Variants in GNB1L observed in about 807,000 individuals in gnomAD.
The protein encoded by GNB1L is guanine nucleotide-binding protein subunit beta-like protein 1.
In GNB1L, 20 loss-of-function variants were observed where a neutral mutation model predicts 29.1. The ratio of observed to expected loss-of-function variants is 0.69; its 90% CI spans 0.48 to 1.00. The LOEUF is 1.00. Among genes scored for constraint, GNB1L ranks in the 50% least tolerant of loss-of-function variants. The probability of loss-of-function intolerance (pLI) is 0.00; values close to 1 mark genes in which losing one functional copy is unlikely to be tolerated. For synonymous variants in GNB1L, 193 were observed against 206.5 expected, an observed-to-expected ratio of 0.93 and a Z score of 0.56; for missense variants, 421 against 464.9, an observed-to-expected ratio of 0.91 and a Z score of 0.87.
At chr22:19,822,154 T>C (rs1937584749) in intron 2 of GNB1L, among the ~76,000 whole-genome samples, 2 of 152,146 alleles carry the variant, frequency 1.3e-5, no homozygotes, top group East Asian at 3.8e-4. Context: ...GGCAGCACCC[T>C]TTTCACTCTT....
In GNB1L at chr22:19,849,777, T is replaced by C; in HGVS notation, c.-21+4666A>G. 4 of 985,476 alleles carry C rather than the reference T, an allele frequency of 4.1e-6. No homozygotes were observed. The South Asian group carries it at 1.9e-4, about 46-fold the overall frequency. 61.0% of individuals were successfully genotyped at this position (985,476 alleles called of 1,614,324 possible). Reference sequence around the variant, plus strand: ...TTCTTCCTACTTTCCAGGAAGGTGTTGTTTTGTTGTTTTCACAATTGTAAA... The same window carrying C: ...TTCTTCCTACTTTCCAGGAAGGTGTCGTTTTGTTGTTTTCACAATTGTAAA... On this transcript the variant is annotated intron_variant, in intron 2 of 7. Transcript: ENST00000329517.
chr22:19,831,701 AT>A (rs1937683310), intron 2 of GNB1L, among the ~76,000 whole-genome samples: 1 of 151,736 alleles, frequency 6.6e-6, no homozygotes, highest in Non-Finnish European at 1.5e-5. Flanking sequence ...AAAAAAAAAA[AT>A]AAAAGAAATA....
intron 6 of GNB1L, among the ~76,000 whole-genome samples, chr22:19,803,488 C>A (rs1007763273): frequency 6.6e-6 from 1 of 152,200 alleles, no homozygotes; most frequent in Non-Finnish European, 1.5e-5. Context: ...CTGCCCCTCC[C>A]TGCAGAAGTC....
rs1937172109 is a variant in GNB1L, at chr22:19,784,355, G to A, written c.*4354C>T. On this transcript the variant is annotated 3_prime_UTR_variant, in exon 8 of 8. Coordinates refer to ENST00000329517, the MANE Select transcript of GNB1L (RefSeq NM_053004.3). ...GGCTGTGCTCCGGAGCCCTTCCCGG[G>A]ATCATCTCCCGGCATCGGCTGACCC... 6.6e-6 allele frequency: 1 copy of A among 152,202 alleles called. No homozygotes were observed. The highest frequency in any genetic ancestry group is 6.5e-5 in the Admixed American group (1 of 15,280). The allele number at this position is 152,202 out of a possible 1,614,324, so 9.4% of individuals were successfully genotyped here.
At position 19,802,229 on chromosome 22, in the gene GNB1L, G is replaced by A; in HGVS notation, c.517-13C>T. Reference sequence around the variant, plus strand: ...AGCTGCAGTCGGCCTGCGGGGAACAGCAGAGCAGTCAGCTCCTGGAAGGAC... The same window carrying A: ...AGCTGCAGTCGGCCTGCGGGGAACAACAGAGCAGTCAGCTCCTGGAAGGAC... On this transcript the variant is annotated splice_polypyrimidine_tract_variant and intron_variant, in intron 6 of 7. Transcript: ENST00000329517. 6.2e-7 allele frequency: 1 copy of A among 1,608,672 alleles called. No homozygotes were observed. The highest frequency in any genetic ancestry group is 8.5e-7 in the Non-Finnish European group (1 of 1,177,494).
chr22:19,831,331 C>T (rs2145889509), intron 2 of GNB1L, among the ~76,000 whole-genome samples: 1 of 149,478 alleles, frequency 6.7e-6, no homozygotes, highest in Non-Finnish European at 1.5e-5. Context: ...TGCCATTGCA[C>T]TCCAGTCTGG....
At chr22:19,794,433 C>T (rs991508316) in intron 7 of GNB1L, among the ~76,000 whole-genome samples, 2 of 152,168 alleles carry the variant, frequency 1.3e-5, no homozygotes, top group Middle Eastern at 3.2e-3. Flanking sequence ...GAAGGTTGCA[C>T]ACTCTTGGAG....
chr22:19,838,289 A>G (rs1196100861), intron 2 of GNB1L, among the ~76,000 whole-genome samples: 1 of 152,182 alleles, frequency 6.6e-6, no homozygotes, highest in Admixed American at 6.5e-5. Context: ...ACTTATGCCC[A>G]TAATGAAATA....
Position 19,783,431 on chromosome 22 carries a change from C to T in GNB1L, c.*5278G>A, listed in dbSNP as rs1252591963. On this transcript the variant is annotated 3_prime_UTR_variant, in exon 8 of 8. Coordinates refer to ENST00000329517, the MANE Select transcript of GNB1L (RefSeq NM_053004.3). The stretch of plus-strand genomic sequence containing the variant: ...TGGTGGAAGCAGTTCACTTAAAGGC[C>T]ATGAGTTACTCGGGAGGCTGAGGCA... 1 of 308,316 alleles carries T rather than the reference C, an allele frequency of 3.2e-6. No individual in the cohort carries two copies. The highest frequency in any genetic ancestry group is 8.5e-5 in the East Asian group (1 of 11,786). 19.1% of individuals were successfully genotyped at this position (308,316 alleles called of 1,614,324 possible). A position where few individuals can be genotyped will look rare whatever the true frequency, so the allele number is the denominator to read the frequency against.
intron 2 of GNB1L, chr22:19,847,847 T>G: frequency 1.1e-6 from 1 of 880,574 alleles, no homozygotes; most frequent in Non-Finnish European, 1.4e-6. Context: ...TTTCCTCTAG[T>G]ACTTTCATAA....
intron 2 of GNB1L, among the ~76,000 whole-genome samples, chr22:19,822,903 T>C (rs1261204352): frequency 1.3e-5 from 2 of 152,134 alleles, no homozygotes; most frequent in Non-Finnish European, 2.9e-5. Context: ...GCCAGCCCTC[T>C]CCTTACTCTA....
intron 2 of GNB1L, among the ~76,000 whole-genome samples, chr22:19,822,988 C>T (rs1176781155): frequency 6.6e-6 from 1 of 152,174 alleles, no homozygotes; most frequent in South Asian, 2.1e-4. Flanking sequence ...GGAGGGTGGA[C>T]AGCAGCCAGT....
intron 7 of GNB1L, among the ~76,000 whole-genome samples, chr22:19,791,461 C>T (rs1024996481): frequency 5.3e-5 from 8 of 152,228 alleles, no homozygotes; most frequent in African/African-American, 1.7e-4. Flanking sequence ...CAAATGCCCC[C>T]ACAGCTCTCT....
chr22:19,847,072 G>A, intron 2 of GNB1L: 2 of 985,458 alleles, frequency 2.0e-6, no homozygotes, highest in Non-Finnish European at 2.4e-6. Flanking sequence ...GAACTCAGGT[G>A]TGGCTCTGTG....
chr22:19,806,609 T>C (rs758171680), intron 6 of GNB1L, 50 bp downstream of exon 6: 6 of 1,129,798 alleles, frequency 5.3e-6, no homozygotes, highest in Non-Finnish European at 6.6e-6. Flanking sequence ...GCATGACTCA[T>C]GGCCGTGGGT....
chr22:19,851,035 C>A, intron 2 of GNB1L: 3 of 1,444,068 alleles, frequency 2.1e-6, no homozygotes, highest in African/African-American at 2.9e-5. Context: ...CCAAAACAAG[C>A]GCATCTTGCC....
At chr22:19,797,032 A>G (rs989899706) in intron 7 of GNB1L, among the ~76,000 whole-genome samples, 2 of 152,224 alleles carry the variant, frequency 1.3e-5, no homozygotes, top group African/African-American at 4.8e-5. Context: ...ATGCCCACAG[A>G]CAAATTCCTA....
At chr22:19,848,735 C>T in intron 2 of GNB1L, 2 of 985,432 alleles carry the variant, frequency 2.0e-6, no homozygotes, top group Non-Finnish European at 2.4e-6. Flanking sequence ...AACTCACACA[C>T]CCCCAGGAGC....
At position 19,787,417 on chromosome 22, in the gene GNB1L, C is replaced by T. The variant is rs1380339511; in HGVS notation, c.*1292G>A. 2 of 152,582 alleles carry T rather than the reference C, an allele frequency of 1.3e-5. No homozygotes were observed. The highest frequency in any genetic ancestry group is 4.8e-5 in the African/African-American group (2 of 41,466). 9.5% of individuals were successfully genotyped at this position (152,582 alleles called of 1,614,324 possible). ...GTTCCGGGAACTCCCCTGATCCACCCCTGCTCCGGCCACCTGGATCCCACA... is the reference window on the plus strand; with the variant it reads ...GTTCCGGGAACTCCCCTGATCCACCTCTGCTCCGGCCACCTGGATCCCACA... On this transcript the variant is annotated 3_prime_UTR_variant, in exon 8 of 8. Coordinates refer to ENST00000329517, the MANE Select transcript of GNB1L (RefSeq NM_053004.3).
Sources: allele counts gnomAD v4.1 joint callset (sites outside exome capture counted in the v4.1 genomes callset), GRCh38; gene constraint gnomAD v4.1.1; transcripts MANE v1.5; gene names NCBI Gene and HGNC (gene_info 2026-07-23, HGNC 2026-07-21).